Variants in SLC35F1 observed in about 807,000 individuals in gnomAD.
SLC35F1 encodes the protein chromosome 6 open reading frame 169.
Under a neutral mutation model 48.7 loss-of-function variants are expected in SLC35F1, and 14 were observed. The ratio of observed to expected loss-of-function variants is 0.29; its 90% CI spans 0.19 to 0.45. The LOEUF is 0.45. SLC35F1 is among the 20% of genes least tolerant of loss of function. The pLI is 1.00. For synonymous variants in SLC35F1, 190 were observed against 202.2 expected, an observed-to-expected ratio of 0.94 and a Z score of 0.51; for missense variants, 404 against 500.0, an observed-to-expected ratio of 0.81 and a Z score of 1.83.
chr6:118,258,243 C>T (rs57835145), intron 3 of SLC35F1, among the ~76,000 whole-genome samples: 4 of 152,090 alleles, frequency 2.6e-5, no homozygotes, highest in Non-Finnish European at 5.9e-5. Flanking sequence ...AGGCTAAAGT[C>T]TAACATTTAA....
At chr6:118,138,209 T>G (rs1773826115) in intron 1 of SLC35F1, among the ~76,000 whole-genome samples, 1 of 151,690 alleles carries the variant, frequency 6.6e-6, no homozygotes, top group South Asian at 2.1e-4. Flanking sequence ...CTCAAGAGGC[T>G]GAGGTGGAGG....
intron 1 of SLC35F1, among the ~76,000 whole-genome samples, chr6:117,960,606 AG>A (rs1247129238): frequency 5.3e-5 from 8 of 152,150 alleles, no homozygotes; most frequent in Non-Finnish European, 5.9e-5. Context: ...TCATGTAGAA[AG>A]GGGGAAGAGG....
In SLC35F1 at chr6:118,235,618, A is replaced by G. The variant is rs1775354527; in HGVS notation, c.459A>G (p.Thr153=). ...TGGTGGTCAAGGCTTACCAATACAC[A>G]ACTCTGACCAGTATCCAGGTACCCA... ...NYLVVKAYQY[T]TLTSIQLLDC... Residue 153 remains threonine, a synonymous_variant, in exon 3 of 8, where the codon ACA becomes ACG. Transcript: ENST00000360388. The G allele has an allele frequency of 1.9e-6, 3 of 1,613,096 alleles. No homozygotes were observed. In the East Asian group the frequency reaches 6.7e-5, roughly 36 times the overall value.
At chr6:118,192,435 TCCTTTTCA>T (rs1401417853) in intron 2 of SLC35F1, among the ~76,000 whole-genome samples, 1 of 152,152 alleles carries the variant, frequency 6.6e-6, no homozygotes, top group African/African-American at 2.4e-5. Context: ...CTTTTCAGGG[TCCTTTTCA>T]TCCTTTCATG....
At chr6:118,280,753 C>T (rs997414455) in intron 6 of SLC35F1, among the ~76,000 whole-genome samples, 2 of 151,880 alleles carry the variant, frequency 1.3e-5, no homozygotes, top group Non-Finnish European at 1.5e-5. Context: ...TGGTGCATGC[C>T]TGTAGTCCCA....
chr6:117,948,424 T>C (rs1261411129), intron 1 of SLC35F1, among the ~76,000 whole-genome samples: 1 of 152,142 alleles, frequency 6.6e-6, no homozygotes, highest in Non-Finnish European at 1.5e-5. Flanking sequence ...GGGGAAGGAT[T>C]GGTTATTTTC....
chr6:118,059,592 G>A (rs144486968), intron 1 of SLC35F1, among the ~76,000 whole-genome samples: 3 of 152,278 alleles, frequency 2.0e-5, no homozygotes, highest in African/African-American at 4.8e-5. Flanking sequence ...TCCATCGCAA[G>A]TCGGCATCAT....
chr6:118,080,971 T>A (rs1040454770), intron 1 of SLC35F1, among the ~76,000 whole-genome samples: 3 of 152,142 alleles, frequency 2.0e-5, no homozygotes, highest in Non-Finnish European at 2.9e-5. Flanking sequence ...TAATATATTG[T>A]GTATATTGGT....
intron 2 of SLC35F1, among the ~76,000 whole-genome samples, chr6:118,210,838 G>T (rs991639103): frequency 1.3e-5 from 2 of 152,132 alleles, no homozygotes; most frequent in African/African-American, 4.8e-5. Flanking sequence ...TCCAAGTGCT[G>T]CCCTCTTTCA....
At chr6:118,186,606 A>G (rs1052882135) in intron 2 of SLC35F1, among the ~76,000 whole-genome samples, 8 of 152,244 alleles carry the variant, frequency 5.3e-5, no homozygotes, top group Middle Eastern at 3.4e-3. Flanking sequence ...GGTCTGCCCA[A>G]TTTTCAAATA....
chr6:118,259,747 A>C (rs1461861988), intron 3 of SLC35F1, among the ~76,000 whole-genome samples: 2 of 152,080 alleles, frequency 1.3e-5, no homozygotes, highest in Non-Finnish European at 1.5e-5. Flanking sequence ...GATAAAGAGA[A>C]ACTAGAACCC....
chr6:118,235,867 T>G (rs1171477772), intron 3 of SLC35F1, among the ~76,000 whole-genome samples: 1 of 152,190 alleles, frequency 6.6e-6, no homozygotes, highest in Admixed American at 6.5e-5. Context: ...TAATAATCCT[T>G]TAAATTTAAG....
intron 1 of SLC35F1, among the ~76,000 whole-genome samples, chr6:118,001,546 ACTT>A (rs1242228167): frequency 1.3e-5 from 2 of 152,182 alleles, no homozygotes; most frequent in Middle Eastern, 3.2e-3. Context: ...ATGGGCAAGG[ACTT>A]CATGTCTAAA....
chr6:118,103,744 C>A (rs1773291731), intron 1 of SLC35F1, among the ~76,000 whole-genome samples: 1 of 152,186 alleles, frequency 6.6e-6, no homozygotes, highest in African/African-American at 2.4e-5. Flanking sequence ...GATTATGACC[C>A]AATAGATCTG....
At chr6:118,311,427 A>T (rs1227229478) in intron 7 of SLC35F1, among the ~76,000 whole-genome samples, 2 of 152,248 alleles carry the variant, frequency 1.3e-5, no homozygotes, top group Non-Finnish European at 2.9e-5. Flanking sequence ...AGATGTCTAC[A>T]TGGTGCCAGG....
At chr6:118,151,301 C>T (rs542762730) in intron 1 of SLC35F1, among the ~76,000 whole-genome samples, 2 of 152,262 alleles carry the variant, frequency 1.3e-5, no homozygotes, top group African/African-American at 4.8e-5. Context: ...TTTTCACCAT[C>T]ACTTTTATGA....
chr6:118,219,858 G>T (rs956283969), intron 2 of SLC35F1, among the ~76,000 whole-genome samples: 1 of 152,204 alleles, frequency 6.6e-6, no homozygotes, highest in Non-Finnish European at 1.5e-5. Flanking sequence ...ATGAGTTCAT[G>T]TCCTTTGTAG....
chr6:118,269,678 A>G (rs970709788), intron 4 of SLC35F1, among the ~76,000 whole-genome samples: 1 of 152,068 alleles, frequency 6.6e-6, no homozygotes, highest in Non-Finnish European at 1.5e-5. Flanking sequence ...TTAATCAGCC[A>G]GGGTCACAAA....
chr6:118,300,990 G>T (rs1776249175), intron 7 of SLC35F1, among the ~76,000 whole-genome samples: 1 of 152,076 alleles, frequency 6.6e-6, no homozygotes, highest in Admixed American at 6.5e-5. Flanking sequence ...GCTCTGTGGA[G>T]GTTTCCGTAG....
Sources: gnomAD v4.1 joint callset for allele counts (sites outside exome capture counted in the v4.1 genomes callset) on GRCh38, gnomAD v4.1.1 for gene constraint, MANE v1.5 for transcripts, NCBI Gene and HGNC (gene_info 2026-07-23, HGNC 2026-07-21) for gene names.